Variants in STRN3 observed in about 807,000 individuals in gnomAD.
STRN3 encodes striatin-3.
A neutral mutation model predicts 95.6 loss-of-function variants in STRN3; 29 were observed. The observed-to-expected ratio is 0.30, with a 90% confidence interval of 0.23 to 0.41. The LOEUF is 0.41. Ranked by LOEUF, STRN3 falls within the 10% of genes least tolerant of loss-of-function variation. STRN3 has a pLI of 1.00. For synonymous variants in STRN3, 331 were observed against 357.6 expected, an observed-to-expected ratio of 0.93 and a Z score of 0.84; for missense variants, 890 against 972.1, an observed-to-expected ratio of 0.92 and a Z score of 1.12.
intron 5 of STRN3, among the ~76,000 whole-genome samples, chr14:30,941,072 C>T (rs989035873): frequency 6.6e-6 from 1 of 152,118 alleles, no homozygotes; most frequent in African/African-American, 2.4e-5. Flanking sequence ...AGTGGGAAGT[C>T]GGCAGTCCGC....
At chr14:30,920,427 C>T (rs1896850956) in intron 8 of STRN3, among the ~76,000 whole-genome samples, 1 of 152,084 alleles carries the variant, frequency 6.6e-6, no homozygotes, top group Non-Finnish European at 1.5e-5. Flanking sequence ...CCACCAGTTA[C>T]ATTCAACGTA....
chr14:30,997,587 C>T (rs1370501047), intron 1 of STRN3, among the ~76,000 whole-genome samples: 1 of 152,174 alleles, frequency 6.6e-6, no homozygotes, highest in Non-Finnish European at 1.5e-5. Flanking sequence ...GCCTCCTGAC[C>T]ACCCTGGAGG....
intron 1 of STRN3, among the ~76,000 whole-genome samples, chr14:30,957,220 C>T (rs1280217768): frequency 6.6e-6 from 1 of 151,830 alleles, no homozygotes; most frequent in African/African-American, 2.4e-5. Context: ...TTTGGGAGGC[C>T]GAGGCGGGTG....
chr14:30,967,443 A>G (rs1483717016), intron 1 of STRN3, among the ~76,000 whole-genome samples: 1 of 152,220 alleles, frequency 6.6e-6, no homozygotes, highest in African/African-American at 2.4e-5. Context: ...TTTAAAACCT[A>G]TAGTTAATAA....
In STRN3 at chr14:31,009,621, A is replaced by G. The variant is rs552033420; in HGVS notation, c.282+16283T>C. On this transcript the variant is annotated intron_variant, in intron 1 of 17. Coordinates refer to ENST00000357479, the MANE Select transcript of STRN3 (RefSeq NM_001083893.2). ...CATTGCCAATTTTTTTTTTTTTTTTACATTTCTGTAACTTAATTTTCATAT... is the reference window on the plus strand; with the variant it reads ...CATTGCCAATTTTTTTTTTTTTTTTGCATTTCTGTAACTTAATTTTCATAT... Among the ~76,000 whole-genome samples, 5 of 101,512 alleles carry G rather than the reference A, an allele frequency of 4.9e-5. No homozygotes were observed. The South Asian group carries it at 1.4e-3, about 28-fold the overall frequency. The allele number at this position is 101,512 out of a possible 152,430, so 66.6% of individuals were successfully genotyped here.
intron 1 of STRN3, among the ~76,000 whole-genome samples, chr14:30,959,668 T>C (rs1880091080): frequency 1.3e-5 from 2 of 151,782 alleles, no homozygotes; most frequent in South Asian, 4.2e-4. Flanking sequence ...AAAATAAAAG[T>C]ACCTAAAAAA....
intron 9 of STRN3, among the ~76,000 whole-genome samples, chr14:30,914,314 A>T (rs951697086): frequency 6.6e-5 from 10 of 152,146 alleles, no homozygotes; most frequent in Admixed American, 6.5e-4. Context: ...CTTTCTATAA[A>T]AGGTTAATCC....
In STRN3 at chr14:30,894,238, A is replaced by G. The variant is rs1399438507; in HGVS notation, c.*1173T>C. 1 of 152,302 alleles carries G rather than the reference A, an allele frequency of 6.6e-6. No homozygotes were observed. The highest frequency in any genetic ancestry group is 1.5e-5 in the Non-Finnish European group (1 of 68,004). 9.4% of individuals were successfully genotyped at this position (152,302 alleles called of 1,614,324 possible). A position where few individuals can be genotyped will look rare whatever the true frequency, so the allele number is the denominator to read the frequency against. The stretch of plus-strand genomic sequence containing the variant: ...TGTAATGCAAATAAAACTTTACTCC[A>G]AATATTTTTAAACAAGTTAGTTTTG... On this transcript the variant is annotated 3_prime_UTR_variant, in exon 18 of 18. Transcript: ENST00000357479.
At chr14:30,972,103 C>A (rs1434888377) in intron 1 of STRN3, among the ~76,000 whole-genome samples, 1 of 152,200 alleles carries the variant, frequency 6.6e-6, no homozygotes. Flanking sequence ...ATGTTCAATT[C>A]TTTGCCTTCT....
intron 7 of STRN3, among the ~76,000 whole-genome samples, chr14:30,929,875 A>T (rs1878394459): frequency 7.1e-6 from 1 of 141,488 alleles, no homozygotes; most frequent in Non-Finnish European, 1.5e-5. Context: ...CAAAGCATTC[A>T]GAGTCCCACC....
At chr14:30,961,496 C>A (rs116338400) in intron 1 of STRN3, among the ~76,000 whole-genome samples, 2 of 152,168 alleles carry the variant, frequency 1.3e-5, no homozygotes, top group African/African-American at 4.8e-5. Flanking sequence ...TGTAGTGGGA[C>A]GCATTAGACG....
At chr14:30,929,370 G>T in intron 7 of STRN3, 59 bp from the exon 8 acceptor site, 1 of 1,276,064 alleles carries the variant, frequency 7.8e-7, no homozygotes, top group Non-Finnish European at 1.1e-6. Flanking sequence ...CAAGCTGTTG[G>T]CAGTAAACTG....
At chr14:30,898,761 C>G (rs1246913380) in intron 16 of STRN3, among the ~76,000 whole-genome samples, 1 of 152,312 alleles carries the variant, frequency 6.6e-6, no homozygotes, top group Middle Eastern at 3.4e-3. Context: ...CTAATTTTTT[C>G]CTCTTATGAC....
At chr14:31,017,256 T>C (rs969419206) in intron 1 of STRN3, among the ~76,000 whole-genome samples, 1 of 152,140 alleles carries the variant, frequency 6.6e-6, no homozygotes, top group Admixed American at 6.5e-5. Flanking sequence ...TCCCAGCACT[T>C]TGGGAGGCCA....
At chr14:30,967,552 G>A (rs1880592255) in intron 1 of STRN3, among the ~76,000 whole-genome samples, 2 of 152,180 alleles carry the variant, frequency 1.3e-5, no homozygotes, top group African/African-American at 4.8e-5. Flanking sequence ...CTGACAACCC[G>A]TAGCCTTCCT....
chr14:31,000,114 A>C lies in STRN3; in HGVS notation c.282+25790T>G, dbSNP rs145093514. Among the ~76,000 whole-genome samples the C allele has an allele frequency of 2.9e-4, 44 of 152,350 alleles. No individual in the cohort carries two copies. The East Asian group carries it at 8.1e-3, about 28-fold the overall frequency. ...AACTTCTTGCTAACAGACTTACCCT[A>C]AAGAAATACTAAAGGGAGTCTTTCA... On this transcript the variant is annotated intron_variant, in intron 1 of 17. Coordinates refer to ENST00000357479, the MANE Select transcript of STRN3 (RefSeq NM_001083893.2).
At chr14:30,907,908 A>G (rs1301721517) in intron 13 of STRN3, among the ~76,000 whole-genome samples, 1 of 152,092 alleles carries the variant, frequency 6.6e-6, no homozygotes, top group East Asian at 1.9e-4. Flanking sequence ...GGTTCTTATC[A>G]TCTCCACAAT....
intron 8 of STRN3, among the ~76,000 whole-genome samples, chr14:30,920,557 A>G (rs1896853666): frequency 6.6e-6 from 1 of 152,046 alleles, no homozygotes; most frequent in Non-Finnish European, 1.5e-5. Flanking sequence ...CCACATCTTA[A>G]TTCTTCTTCA....
At chr14:30,932,458 GT>G (rs1465089764) in intron 7 of STRN3, 2 of 50,494 alleles carry the variant, frequency 4.0e-5, no homozygotes, top group Non-Finnish European at 7.2e-5. Context: ...TCACTTGACA[GT>G]TTTCATTTCT....
Sources: gnomAD v4.1 joint callset for allele counts (sites outside exome capture counted in the v4.1 genomes callset) on GRCh38, gnomAD v4.1.1 for gene constraint, MANE v1.5 for transcripts, NCBI Gene and HGNC (gene_info 2026-07-23, HGNC 2026-07-21) for gene names.